Variants in CAST observed in about 807,000 individuals in gnomAD.
CAST encodes MIR583 host.
Under a neutral mutation model 119.6 loss-of-function variants are expected in CAST, and 76 were observed. The ratio of observed to expected loss-of-function variants is 0.64; its 90% CI spans 0.53 to 0.77. The LOEUF is 0.77. Among genes scored for constraint, CAST ranks in the 30% least tolerant of loss-of-function variants. CAST has a pLI of 0.00. For synonymous variants in CAST, 319 were observed against 331.6 expected, an observed-to-expected ratio of 0.96 and a Z score of 0.41; for missense variants, 953 against 946.5, an observed-to-expected ratio of 1.01 and a Z score of -0.09.
chr5:96,771,954 C>T, intron 31 of CAST: 1 of 300,228 alleles, frequency 3.3e-6, no homozygotes, highest in South Asian at 9.5e-5. Context: ...TTAGGCCAGG[C>T]ACTTAGAATG....
At chr5:96,238,973 A>C in the CAST span, among the ~76,000 whole-genome samples, 1 of 152,118 alleles carries the variant, frequency 6.6e-6, no homozygotes, top group East Asian at 1.9e-4. Flanking sequence ...TAGGTATATT[A>C]AATTTTCATA....
chr5:96,156,117 A>G, the CAST span, among the ~76,000 whole-genome samples: 1 of 152,240 alleles, frequency 6.6e-6, no homozygotes, highest in Non-Finnish European at 1.5e-5. Flanking sequence ...CTTCACAGTC[A>G]TTACTGACAT....
At chr5:96,394,694 G>GA in the CAST span, among the ~76,000 whole-genome samples, 2 of 151,986 alleles carry the variant, frequency 1.3e-5, no homozygotes, top group South Asian at 2.1e-4. Flanking sequence ...AATATTGAAT[G>GA]AAAAAAATAC....
At chr5:96,275,178 T>C in the CAST span, among the ~76,000 whole-genome samples, 2 of 152,358 alleles carry the variant, frequency 1.3e-5, no homozygotes, top group Non-Finnish European at 2.9e-5. Context: ...GGGCTCTTGC[T>C]TGTTTCGTTG....
intron 8 of CAST, among the ~76,000 whole-genome samples, chr5:96,730,186 C>A (rs945969142): frequency 6.6e-6 from 1 of 152,180 alleles, no homozygotes; most frequent in African/African-American, 2.4e-5. Flanking sequence ...GAAATTGCTT[C>A]CATACTTCTG....
chr5:96,068,239 T>C, the CAST span, among the ~76,000 whole-genome samples: 1 of 152,128 alleles, frequency 6.6e-6, no homozygotes, highest in Non-Finnish European at 1.5e-5. Flanking sequence ...TTACCCTGTC[T>C]GAACCCTGGT....
the CAST span, among the ~76,000 whole-genome samples, chr5:96,446,891 A>G: frequency 3.1e-4 from 47 of 152,342 alleles, no homozygotes; most frequent in African/African-American, 1.1e-3. Flanking sequence ...TCCTCATCAG[A>G]CCAACATCTA....
the CAST span, among the ~76,000 whole-genome samples, chr5:96,203,507 T>G: frequency 1.3e-5 from 2 of 152,052 alleles, no homozygotes; most frequent in Non-Finnish European, 2.9e-5. Context: ...AAACATTTGA[T>G]CTAGTGGCAC....
the CAST span, among the ~76,000 whole-genome samples, chr5:95,984,089 C>T: frequency 6.6e-6 from 1 of 152,128 alleles, no homozygotes; most frequent in South Asian, 2.1e-4. Context: ...TGAAATTAAA[C>T]CATCAAGGCA....
chr5:96,362,357 G>C, the CAST span, among the ~76,000 whole-genome samples: 1 of 152,220 alleles, frequency 6.6e-6, no homozygotes, highest in Non-Finnish European at 1.5e-5. Flanking sequence ...CCAGTAATGG[G>C]ATGGCTGGGT....
At chr5:96,251,119 C>T in the CAST span, among the ~76,000 whole-genome samples, 1 of 152,174 alleles carries the variant, frequency 6.6e-6, no homozygotes, top group Admixed American at 6.6e-5. Flanking sequence ...ACCAAGGGTC[C>T]TTACCTGATA....
At chr5:96,483,839 A>C in the CAST span, among the ~76,000 whole-genome samples, 806 of 152,266 alleles carry the variant, frequency 5.3e-3, 8 homozygotes, top group African/African-American at 0.019. Context: ...AAGCTCAGAG[A>C]AGTTAAATGA....
intron 1 of CAST, among the ~76,000 whole-genome samples, chr5:96,636,917 G>A (rs1025596926): frequency 3.3e-5 from 5 of 151,002 alleles, no homozygotes; most frequent in Admixed American, 1.3e-4. Flanking sequence ...AGGGTTGGGG[G>A]TCAAGATGCG....
the CAST span, among the ~76,000 whole-genome samples, chr5:96,113,801 A>G: frequency 1.1e-4 from 17 of 152,244 alleles, no homozygotes; most frequent in African/African-American, 4.1e-4. Context: ...ATTCTGACTA[A>G]GACTCCTCCT....
chr5:96,686,184 C>G (rs1332152741), intron 2 of CAST, among the ~76,000 whole-genome samples: 1 of 150,888 alleles, frequency 6.6e-6, no homozygotes, highest in African/African-American at 2.4e-5. Context: ...TTTTTTCACT[C>G]TTTATTTCAT....
the CAST span, among the ~76,000 whole-genome samples, chr5:96,443,977 C>A: frequency 6.6e-6 from 1 of 152,146 alleles, no homozygotes; most frequent in Non-Finnish European, 1.5e-5. Flanking sequence ...TTTCCAGCAT[C>A]TAATAACACA....
At chr5:96,488,692 G>A in the CAST span, among the ~76,000 whole-genome samples, 30 of 152,320 alleles carry the variant, frequency 2.0e-4, no homozygotes, top group African/African-American at 6.5e-4. Flanking sequence ...TTGAAGGTAT[G>A]CAAATGCACC....
chr5:96,655,203 G>A (rs943397187), intron 1 of CAST, among the ~76,000 whole-genome samples: 1 of 152,228 alleles, frequency 6.6e-6, no homozygotes, highest in African/African-American at 2.4e-5. Flanking sequence ...GGGTAAACAT[G>A]TCCTGCTACT....
chr5:96,409,819 G>A, the CAST span, among the ~76,000 whole-genome samples: 1 of 152,220 alleles, frequency 6.6e-6, no homozygotes, highest in South Asian at 2.1e-4. Flanking sequence ...CGCGTGAGAA[G>A]CAGGCCCACA....
Sources: allele counts gnomAD v4.1 joint callset (sites outside exome capture counted in the v4.1 genomes callset), GRCh38; gene constraint gnomAD v4.1.1; transcripts MANE v1.5; gene names NCBI Gene and HGNC (gene_info 2026-07-23, HGNC 2026-07-21).